The following MVP variants were observed in gnomAD, a reference collection of about 807,000 sequenced individuals.
MVP encodes the protein major vault protein.
A neutral mutation model predicts 83.5 loss-of-function variants in MVP; 62 were observed. The ratio of observed to expected loss-of-function variants is 0.74; its 90% CI spans 0.61 to 0.92. The LOEUF is 0.92. Ranked by LOEUF, MVP falls within the 40% of genes least tolerant of loss-of-function variation. The pLI is 0.00. For synonymous variants in MVP, 505 were observed against 504.1 expected (o/e 1.00, Z -0.02); for missense variants, 1,000 against 1,203.4 (o/e 0.83, Z 2.50).
Position 29,842,010 on chromosome 16 carries a change from G to T in MVP, c.1532G>T (p.Arg511Leu). ...SAGRPKRPHA[R>L]RALCLLLGPD... Reference sequence around the variant, plus strand: ...GGGCGGCCCAAGCGTCCCCATGCCCGCCGTGCGCTCTGCCTGCTGCTGGGG... The same window carrying T: ...GGGCGGCCCAAGCGTCCCCATGCCCTCCGTGCGCTCTGCCTGCTGCTGGGG... Residue 511 changes from arginine to leucine, a missense_variant, in exon 10 of 15, where the codon CGC (arginine) becomes CTC (leucine). By Grantham distance (102) the Arg-to-Leu change is moderately radical. Coordinates refer to ENST00000357402, the MANE Select transcript of MVP (RefSeq NM_005115.5). The T allele has an allele frequency of 6.2e-7, 1 of 1,611,822 alleles. No individual in the cohort carries two copies.
Position 29,841,780 on chromosome 16 carries a change from G to A in MVP, c.1376G>A (p.Ser459Asn). ...CCCCGGAACAAGACCCGTGTGGTCA[G>A]CTACCGCGTGCCCCACAACGCTGCG... Reference protein sequence around the residue: ...LAPRNKTRVVSYRVPHNAAVQ... With the variant: ...LAPRNKTRVVNYRVPHNAAVQ... The change falls in exon 9 of 15, where the codon AGC becomes AAC. Residue 459 changes from serine (S) to asparagine (N), a missense_variant. By Grantham distance (46) the Ser-to-Asn change is conservative. Transcript: ENST00000357402. This position sits in a 1 kb window ranked among gnomAD's most constrained non-coding sequence, Gnocchi z 4.7. The A allele has an allele frequency of 6.2e-7, 1 of 1,613,512 alleles. No homozygotes were observed. Among genetic ancestry groups the A allele is most frequent in the Non-Finnish European group, 8.5e-7 (1 of 1,180,016 alleles).
chr16:29,843,582 AAGGGAGGAAGGG>A (rs2067555414), intron 10 of MVP, among the ~76,000 whole-genome samples: 1 of 19,172 alleles, frequency 5.2e-5, no homozygotes, highest in African/African-American at 3.3e-4. Flanking sequence ...GGGAGGGAGG[AAGGGAGGAAGGG>A]AGGGAGGGAG....
intron 1 of MVP, among the ~76,000 whole-genome samples, chr16:29,826,759 A>G (rs2067407377): frequency 6.8e-6 from 1 of 147,312 alleles, no homozygotes; most frequent in South Asian, 2.1e-4. Context: ...CGTCTCTACT[A>G]AAAAAAAAAT....
chr16:29,830,394 G>A, intron 1 of MVP, 121 bp from the exon 2 acceptor site: 1 of 764,826 alleles, frequency 1.3e-6, no homozygotes, highest in Non-Finnish European at 2.1e-6. Context: ...GACAGGGAAG[G>A]GTGCAGTGGC....
intron 13 of MVP, 35 bp downstream of exon 13, chr16:29,846,319 T>C (rs1267435524): frequency 6.5e-7 from 1 of 1,535,004 alleles, no homozygotes; most frequent in African/African-American, 1.4e-5. Context: ...GAGGGTGGCC[T>C]TGAGTCCTGG....
At chr16:29,839,158 A>C (rs1031795621) in intron 7 of MVP, among the ~76,000 whole-genome samples, 2 of 152,226 alleles carry the variant, frequency 1.3e-5, no homozygotes, top group African/African-American at 4.8e-5. Flanking sequence ...ACTGCACTCC[A>C]GCCTGGGCTG....
chr16:29,828,597 C>G (rs1478752665), intron 1 of MVP, among the ~76,000 whole-genome samples: 1 of 152,168 alleles, frequency 6.6e-6, no homozygotes. Flanking sequence ...CCAGGCTGGT[C>G]TCGAACTCCT....
intron 3 of MVP, 105 bp downstream of exon 3, chr16:29,831,178 C>A: frequency 1.8e-6 from 2 of 1,115,966 alleles, no homozygotes; most frequent in Non-Finnish European, 2.5e-6. Flanking sequence ...TTTTTTGAGG[C>A]AGAGTTTCAC....
chr16:29,847,879 C>A lies in MVP; in HGVS notation c.2572C>A (p.Leu858Met). ...GGGGATGGGGCCCGAGGGTCAGCCC[C>A]TGGGCAGAAGGGTGGCCAGTGGGCC... ...LLGMGPEGQP[L>M]GRRVASGPSP... Residue 858 changes from leucine (L) to methionine (M), a missense_variant, in exon 15 of 15, where the codon CTG becomes ATG. Transcript: ENST00000357402. The A allele has an allele frequency of 6.2e-7, 1 of 1,614,134 alleles. No individual in the cohort carries two copies. The highest frequency in any genetic ancestry group is 8.5e-7 in the Non-Finnish European group (1 of 1,179,984).
At chr16:29,840,635 AT>A (rs778362192) in intron 8 of MVP, among the ~76,000 whole-genome samples, 176 bp downstream of exon 8, 6 of 152,246 alleles carry the variant, frequency 3.9e-5, no homozygotes, top group Admixed American at 2.0e-4. Context: ...TCTGCCTTAA[AT>A]GTCTCATTTG....
chr16:29,845,566 C>G lies in MVP; in HGVS notation c.2022-297C>G, dbSNP rs139399886. On this transcript the variant is annotated intron_variant, in intron 11 of 14. Transcript: ENST00000357402. ...TCTTTCTCTCACAGCTGAATAGCAC[C>G]CTCTTTGCCTGGTCTCTCCCACACT... Among the ~76,000 whole-genome samples, 1,010 of 152,270 alleles carry G rather than the reference C, an allele frequency of 6.6e-3. 4 individuals are homozygous for G. Among genetic ancestry groups the G allele is most frequent in the Non-Finnish European group, 0.012 (843 of 68,024 alleles).
At chr16:29,828,631 T>TA (rs2067419906) in intron 1 of MVP, among the ~76,000 whole-genome samples, 1 of 151,972 alleles carries the variant, frequency 6.6e-6, no homozygotes, top group African/African-American at 2.4e-5. Flanking sequence ...CCACCTGCCT[T>TA]GGCCTCCCAA....
intron 7 of MVP, among the ~76,000 whole-genome samples, chr16:29,839,461 A>G (rs1567393206): frequency 6.6e-6 from 1 of 152,148 alleles, no homozygotes; most frequent in Non-Finnish European, 1.5e-5. Context: ...AAAATTTCAT[A>G]TGTGGATTAT....
chr16:29,846,152 C>A lies in MVP; in HGVS notation c.2139-6C>A, dbSNP rs1238519061. On this transcript the variant is annotated splice_region_variant and splice_polypyrimidine_tract_variant and intron_variant, in intron 12 of 14. Transcript: ENST00000357402. The stretch of plus-strand genomic sequence containing the variant: ...CGGGTCTTACCTGACTCTGCCTTCT[C>A]CCCAGCATGGCCGTGGAGAGCACCG... 1 of 1,609,284 alleles carries A rather than the reference C, an allele frequency of 6.2e-7. No homozygotes were observed. Among genetic ancestry groups the A allele is most frequent in the African/African-American group, 1.3e-5 (1 of 74,998 alleles).
intron 3 of MVP, among the ~76,000 whole-genome samples, chr16:29,832,868 C>G (rs1015743253): frequency 3.3e-5 from 5 of 151,802 alleles, no homozygotes; most frequent in Admixed American, 3.3e-4. Flanking sequence ...AGTTTGAGAC[C>G]AGGCTGGCCA....
intron 3 of MVP, among the ~76,000 whole-genome samples, chr16:29,833,111 C>G (rs924422821): frequency 1.3e-5 from 2 of 151,956 alleles, no homozygotes; most frequent in Non-Finnish European, 2.9e-5. Context: ...CACCTGTAAT[C>G]CCAGCCACTC....
At chr16:29,835,492 A>C (rs2067478143) in intron 5 of MVP, 4 of 326,126 alleles carry the variant, frequency 1.2e-5, no homozygotes, top group Middle Eastern at 7.7e-4. Context: ...AAAAAAAAAA[A>C]AAAAAAAAAA....
rs370773875 is a variant in MVP at position 29,829,010 on chromosome 16, C to T, written c.-35-1505C>T. 4.5e-4 allele frequency among the ~76,000 whole-genome samples: 68 copies of T among 152,060 alleles called. 2 individuals are homozygous for T. In the South Asian group the frequency reaches 0.014, roughly 32 times the overall value. On this transcript the variant is annotated intron_variant, in intron 1 of 14. Transcript: ENST00000357402. ...CTCGGCCAGGCCACTCCCTTCTTCC[C>T]CTCACTTATATTTTTCACCTGGGGT...
chr16:29,843,936 C>T (rs2150760312), intron 10 of MVP, among the ~76,000 whole-genome samples: 1 of 152,318 alleles, frequency 6.6e-6, no homozygotes, highest in East Asian at 1.9e-4. Context: ...TGTCCCTCAC[C>T]TCTTAGCTGA....
Sources: allele counts gnomAD v4.1 joint callset (sites outside exome capture counted in the v4.1 genomes callset), GRCh38; gene constraint gnomAD v4.1.1; non-coding constraint Gnocchi (gnomAD v3.1); transcripts MANE v1.5; gene names NCBI Gene and HGNC (gene_info 2026-07-23, HGNC 2026-07-21).